NR1D2: variants seen among roughly 807,000 people sequenced by gnomAD.
The protein encoded by NR1D2 is nuclear receptor subfamily 1 group D member 2.
NR1D2 carries 25 observed loss-of-function variants against 52.2 expected under a neutral mutation model. The observed-to-expected ratio is 0.48, with a 90% confidence interval of 0.35 to 0.67. The LOEUF (loss-of-function observed/expected upper bound fraction) is 0.67, where lower values mean the gene tolerates loss of function less well. NR1D2 is among the 30% of genes least tolerant of loss of function. NR1D2 has a pLI of 0.01. For missense variants in NR1D2, 681 were observed against 707.2 expected (o/e 0.96, Z 0.42); for synonymous variants, 259 against 230.1 (o/e 1.13, Z -1.14).
chr3:23,956,095 C>T lies in NR1D2; in HGVS notation c.342C>T (p.His114=), dbSNP rs759562304. Reference sequence around the variant, plus strand: ...GTGGGGATGTGGCGTCAGGATTCCACTATGGAGTTCATGCTTGCGAAGGCT... The same window carrying T: ...GTGGGGATGTGGCGTCAGGATTCCATTATGGAGTTCATGCTTGCGAAGGCT... ...KVCGDVASGF[H]YGVHACEGCK... is the part of the protein sequence containing the mutation. Residue 114 remains histidine (H), a synonymous_variant, in exon 3 of 8, where the codon CAC becomes CAT. Transcript: ENST00000312521. 1 of 1,613,788 alleles carries T rather than the reference C, an allele frequency of 6.2e-7. No homozygotes were observed. Among genetic ancestry groups the T allele is most frequent in the East Asian group, 2.2e-5 (1 of 44,886 alleles).
intron 7 of NR1D2, among the ~76,000 whole-genome samples, chr3:23,976,275 C>T (rs1181285235): frequency 6.6e-6 from 1 of 152,178 alleles, no homozygotes; most frequent in Non-Finnish European, 1.5e-5. Flanking sequence ...TACTGCATAA[C>T]AAATTGTCCC....
chr3:23,961,389 CTTTTTTTTTTT>C lies in NR1D2; in HGVS notation c.518-574_518-564del, dbSNP rs869108010. ...TCATATTTCTTTTTTCTTTTTCTTTCTTTTTTTTTTTTTTTTTTTTTTTTAAGATGGAGTAT... is the reference window on the plus strand; with the variant it reads ...TCATATTTCTTTTTTCTTTTTCTTTCTTTTTTTTTTTTTAAGATGGAGTAT... On this transcript the variant is annotated intron_variant, in intron 4 of 7. Transcript: ENST00000312521. Among the ~76,000 whole-genome samples, 18 of 75,988 alleles carry C rather than the reference CTTTTTTTTTTT, an allele frequency of 2.4e-4. No individual in the cohort carries two copies. The South Asian group carries it at 8.0e-3, about 34-fold the overall frequency. 49.9% of individuals were successfully genotyped at this position (75,988 alleles called of 152,430 possible).
At chr3:23,961,697 A>T (rs1706251674) in intron 4 of NR1D2, among the ~76,000 whole-genome samples, 1 of 151,960 alleles carries the variant, frequency 6.6e-6, no homozygotes, top group Admixed American at 6.6e-5. Flanking sequence ...CACCCATCCG[A>T]ATTTCCTATT....
intron 1 of NR1D2, among the ~76,000 whole-genome samples, chr3:23,947,618 AACTAGG>A (rs1420300219): frequency 1.3e-5 from 2 of 152,232 alleles, no homozygotes; most frequent in African/African-American, 4.8e-5. Context: ...CCTTGCAGTC[AACTAGG>A]ACCTTTCACG....
At position 23,980,295 on chromosome 3, in the gene NR1D2, T is replaced by G. The variant is rs1706842664; in HGVS notation, c.*2876T>G. ...TCTTTTTCTTTTCCAATATAAAGTT[T>G]GCTGAATGTACAAGAAGAGTTTATC... On this transcript the variant is annotated 3_prime_UTR_variant, in exon 8 of 8. Transcript: ENST00000312521. The G allele has an allele frequency of 6.6e-6, 1 of 152,144 alleles. No homozygotes were observed. Among genetic ancestry groups the G allele is most frequent in the South Asian group, 2.1e-4 (1 of 4,830 alleles). 9.4% of individuals were successfully genotyped at this position (152,144 alleles called of 1,614,324 possible).
intron 4 of NR1D2, among the ~76,000 whole-genome samples, chr3:23,961,497 G>C (rs1323424580): frequency 6.9e-6 from 1 of 145,782 alleles, no homozygotes; most frequent in East Asian, 2.1e-4. Context: ...CTGGGTTCAA[G>C]CGATTCTCCT....
In NR1D2 at chr3:23,977,398, G is replaced by T. The variant is rs1407105444; in HGVS notation, c.1719G>T (p.Leu573Phe). 1 of 1,600,936 alleles carries T rather than the reference G, an allele frequency of 6.2e-7. No individual in the cohort carries two copies. Among genetic ancestry groups the T allele is most frequent in the Non-Finnish European group, 8.5e-7 (1 of 1,175,434 alleles). The change falls in exon 8 of 8, where the codon TTG becomes TTT. Residue 573 changes from leucine to phenylalanine, a missense_variant. Around this residue, in one of 3 missense-constraint regions of NR1D2, gnomAD observed 475 missense variants for 454.5 expected, o/e 1.05. Coordinates refer to ENST00000312521, the MANE Select transcript of NR1D2 (RefSeq NM_005126.5). Reference protein sequence around the residue: ...SLNNMHSEELLAFKVHP With the variant: ...SLNNMHSEELFAFKVHP ...ACAACATGCACTCTGAGGAGCTCTT[G>T]GCCTTTAAAGTTCACCCTTAAGGCC...
intron 1 of NR1D2, among the ~76,000 whole-genome samples, chr3:23,950,207 T>G (rs545776445): frequency 6.6e-6 from 1 of 152,250 alleles, no homozygotes; most frequent in Non-Finnish European, 1.5e-5. Context: ...GTGGCAGATA[T>G]TCCAATTTTA....
At chr3:23,976,807 C>T (rs1706736453) in intron 7 of NR1D2, among the ~76,000 whole-genome samples, 1 of 152,120 alleles carries the variant, frequency 6.6e-6, no homozygotes, top group Non-Finnish European at 1.5e-5. Flanking sequence ...CATTGGAGGC[C>T]ATTTTAGGGG....
intron 3 of NR1D2, among the ~76,000 whole-genome samples, chr3:23,959,058 T>C (rs116104267): frequency 1.1e-3 from 163 of 152,214 alleles, no homozygotes; most frequent in Non-Finnish European, 1.7e-3. Flanking sequence ...ACTTGAGCCC[T>C]GGAGTTCAAG....
rs1706490789 is a variant in NR1D2 at position 23,967,840 on chromosome 3, T to C, written c.1360T>C (p.Phe454Leu). The C allele has an allele frequency of 6.2e-7, 1 of 1,613,706 alleles. No homozygotes were observed. The highest frequency in any genetic ancestry group is 1.7e-5 in the Admixed American group (1 of 60,008). The change falls in exon 7 of 8, where the codon TTT becomes CTT. Residue 454 changes from phenylalanine (F) to leucine (L), a missense_variant. By Grantham distance (22) the Phe-to-Leu change is conservative. Coordinates refer to ENST00000312521, the MANE Select transcript of NR1D2 (RefSeq NM_005126.5). Reference protein sequence around the residue: ...EVLMVRFASLFDAKERTVTFL... With the variant: ...EVLMVRFASLLDAKERTVTFL... ...TTTAATGGTACGGTTCGCATCATTATTTGATGCAAAGGAACGTACTGTCAC... is the reference window on the plus strand; with the variant it reads ...TTTAATGGTACGGTTCGCATCATTACTTGATGCAAAGGAACGTACTGTCAC...
chr3:23,974,060 G>A (rs1432661503), intron 7 of NR1D2, among the ~76,000 whole-genome samples: 1 of 144,206 alleles, frequency 6.9e-6, no homozygotes, highest in Non-Finnish European at 1.5e-5. Context: ...TCTCCTGAAG[G>A]ACCTGCCTGA....
At chr3:23,957,702 C>T (rs1188275580) in intron 3 of NR1D2, among the ~76,000 whole-genome samples, 1 of 150,018 alleles carries the variant, frequency 6.7e-6, no homozygotes, top group East Asian at 2.0e-4. Flanking sequence ...CAAGCCTGGG[C>T]GACAGAGCCA....
At chr3:23,952,949 TCTGC>T (rs1705982147) in intron 1 of NR1D2, among the ~76,000 whole-genome samples, 1 of 151,172 alleles carries the variant, frequency 6.6e-6, no homozygotes. Flanking sequence ...TCTAAATTTC[TCTGC>T]CTGTTTTTTT....
chr3:23,964,848 T>C, intron 5 of NR1D2, 129 bp from the exon 6 acceptor site: 1 of 630,328 alleles, frequency 1.6e-6, no homozygotes, highest in South Asian at 2.1e-5. Flanking sequence ...AGTGCTAATA[T>C]CTCAGTAGAT....
chr3:23,977,454 C>G lies in NR1D2; in HGVS notation c.*35C>G. On this transcript the variant is annotated 3_prime_UTR_variant, in exon 8 of 8. Coordinates refer to ENST00000312521, the MANE Select transcript of NR1D2 (RefSeq NM_005126.5). ...TTATTTAAACATGAACTGATGGTAA[C>G]TGTACATTTTGTGCTAAAATGCATA... is the stretch of plus-strand genomic sequence containing the variant. 1 of 1,418,404 alleles carries G rather than the reference C, an allele frequency of 7.1e-7. No individual in the cohort carries two copies. Among genetic ancestry groups the G allele is most frequent in the Non-Finnish European group, 9.6e-7 (1 of 1,044,388 alleles). 87.9% of individuals were successfully genotyped at this position (1,418,404 alleles called of 1,614,324 possible). A position where few individuals can be genotyped will look rare whatever the true frequency, so the allele number is the denominator to read the frequency against.
chr3:23,956,709 A>G (rs936671828), intron 3 of NR1D2, among the ~76,000 whole-genome samples: 2 of 152,210 alleles, frequency 1.3e-5, no homozygotes, highest in African/African-American at 2.4e-5. Context: ...AGTTATTGCT[A>G]TTAGAGTATT....
chr3:23,948,333 G>C (rs1292616877), intron 1 of NR1D2, among the ~76,000 whole-genome samples: 1 of 152,062 alleles, frequency 6.6e-6, no homozygotes, highest in Non-Finnish European at 1.5e-5. Context: ...TGGAGTAAAA[G>C]ACTTGGAAAA....
intron 2 of NR1D2, among the ~76,000 whole-genome samples, chr3:23,955,405 TTTC>T (rs1706055762): frequency 6.6e-6 from 1 of 152,210 alleles, no homozygotes; most frequent in Non-Finnish European, 1.5e-5. Context: ...ATTTACAAAA[TTTC>T]TTATTTCCTG....
Sources: allele counts gnomAD v4.1 joint callset (sites outside exome capture counted in the v4.1 genomes callset), GRCh38; gene constraint gnomAD v4.1.1; regional missense constraint gnomAD v4.1.1; transcripts MANE v1.5; gene names NCBI Gene and HGNC (gene_info 2026-07-23, HGNC 2026-07-21).